Variants in FRMD5 observed in about 807,000 individuals in gnomAD.
The protein encoded by FRMD5 is FERM domain containing 5, also known as FERM domain-containing protein 5.
Under a neutral mutation model 69.0 loss-of-function variants are expected in FRMD5, and 20 were observed. The observed-to-expected ratio is 0.29, with a 90% confidence interval of 0.20 to 0.42. FRMD5 has a LOEUF of 0.42. FRMD5 is among the 10% of genes least tolerant of loss of function. The probability of loss-of-function intolerance (pLI) is 1.00; values close to 1 mark genes in which losing one functional copy is unlikely to be tolerated. For synonymous variants in FRMD5, 271 were observed against 260.1 expected, an observed-to-expected ratio of 1.04 and a Z score of -0.40; for missense variants, 595 against 708.6, an observed-to-expected ratio of 0.84 and a Z score of 1.82.
At chr15:44,111,514 T>A (rs937196058) in intron 1 of FRMD5, among the ~76,000 whole-genome samples, 15 of 152,210 alleles carry the variant, frequency 9.9e-5, no homozygotes, top group African/African-American at 3.4e-4. Context: ...AAGCAACTGC[T>A]AGTATCCTTG....
At chr15:43,924,362 T>C in intron 1 of FRMD5, 53 bp from the exon 2 acceptor site, 1 of 441,110 alleles carries the variant, frequency 2.3e-6, no homozygotes. Context: ...TCAGTGTAAC[T>C]TTTTTTTTTT....
intron 13 of FRMD5, among the ~76,000 whole-genome samples, chr15:43,881,305 T>G (rs2088522652): frequency 6.6e-6 from 1 of 152,272 alleles, no homozygotes; most frequent in African/African-American, 2.4e-5. Flanking sequence ...CCTCAGAGAA[T>G]TTCATTCTAC....
At chr15:43,947,723 T>C (rs1815010353) in intron 1 of FRMD5, among the ~76,000 whole-genome samples, 1 of 152,160 alleles carries the variant, frequency 6.6e-6, no homozygotes, top group Non-Finnish European at 1.5e-5. Context: ...AGACAGAGTG[T>C]GTAGAGGCCT....
chr15:43,958,223 G>A (rs2090144336), intron 1 of FRMD5, among the ~76,000 whole-genome samples: 1 of 152,066 alleles, frequency 6.6e-6, no homozygotes, highest in Non-Finnish European at 1.5e-5. Context: ...TAGTTTCATG[G>A]CTAACACAGT....
chr15:43,980,944 AACT>A (rs1485746551), intron 1 of FRMD5, among the ~76,000 whole-genome samples: 1 of 152,178 alleles, frequency 6.6e-6, no homozygotes, highest in African/African-American at 2.4e-5. Flanking sequence ...TCTAAAACTT[AACT>A]ACTAACAGCT....
intron 1 of FRMD5, chr15:43,989,420 A>G: frequency 1.3e-6 from 1 of 788,362 alleles, no homozygotes; most frequent in Non-Finnish European, 2.3e-6. Flanking sequence ...TCAGGGCAGC[A>G]GAACTGCTTT....
At chr15:43,874,499 C>G in intron 13 of FRMD5, 37 bp from the exon 14 acceptor site, 1 of 1,523,698 alleles carries the variant, frequency 6.6e-7, no homozygotes, top group Non-Finnish European at 9.1e-7. Context: ...GGCTGTGTCC[C>G]AATGCACCCT....
chr15:43,943,854 T>G (rs1370126710), intron 1 of FRMD5, among the ~76,000 whole-genome samples: 3 of 152,236 alleles, frequency 2.0e-5, no homozygotes, highest in Non-Finnish European at 4.4e-5. Flanking sequence ...CAAGCCAGTT[T>G]GTGATTGCTA....
At chr15:44,108,729 C>A (rs940579135) in intron 1 of FRMD5, among the ~76,000 whole-genome samples, 1 of 151,864 alleles carries the variant, frequency 6.6e-6, no homozygotes, top group Non-Finnish European at 1.5e-5. Flanking sequence ...TGGGTGGTGG[C>A]CAAGACAGGA....
chr15:44,009,065 C>G (rs955981580), intron 1 of FRMD5, among the ~76,000 whole-genome samples: 1 of 152,128 alleles, frequency 6.6e-6, no homozygotes, highest in Admixed American at 6.5e-5. Context: ...AGCTTCCCGA[C>G]GACAGGAACC....
intron 1 of FRMD5, among the ~76,000 whole-genome samples, chr15:44,007,637 A>ATTTTTTTTTTTT (rs35512441): frequency 6.2e-5 from 5 of 81,146 alleles, no homozygotes; most frequent in East Asian, 4.0e-4. Flanking sequence ...TAATTAACTA[A>ATTTTTTTTTTTT]TTTTTTTTTT....
intron 1 of FRMD5, among the ~76,000 whole-genome samples, chr15:44,097,659 T>C (rs1192805709): frequency 6.6e-6 from 1 of 152,140 alleles, no homozygotes; most frequent in Admixed American, 6.5e-5. Context: ...GTCTTGGAGA[T>C]TCAGACTAGT....
chr15:44,128,251 G>T (rs1484486767), intron 1 of FRMD5, among the ~76,000 whole-genome samples: 1 of 152,088 alleles, frequency 6.6e-6, no homozygotes, highest in Admixed American at 6.5e-5. Flanking sequence ...AGGCCGAGGC[G>T]GGTGGATCAC....
intron 1 of FRMD5, among the ~76,000 whole-genome samples, chr15:44,029,569 A>G (rs1257142946): frequency 6.6e-6 from 1 of 152,246 alleles, no homozygotes; most frequent in Non-Finnish European, 1.5e-5. Flanking sequence ...AAAATATGGT[A>G]ACTAAAATAC....
chr15:44,160,387 T>G (rs2077597164), intron 1 of FRMD5, among the ~76,000 whole-genome samples: 1 of 152,120 alleles, frequency 6.6e-6, no homozygotes, highest in African/African-American at 2.4e-5. Context: ...TGGGAAAGTT[T>G]TGCAGGATAG....
intron 7 of FRMD5, 26 bp from the exon 8 acceptor site, chr15:43,892,095 G>A (rs777656099): frequency 3.8e-5 from 61 of 1,597,174 alleles, no homozygotes; most frequent in Middle Eastern, 3.3e-4. Context: ...ACTTCTCATC[G>A]GGTGATGCAG....
chr15:44,089,228 T>G lies in FRMD5; in HGVS notation c.102+105725A>C, dbSNP rs567485768. Among the ~76,000 whole-genome samples, 3 of 152,306 alleles carry G rather than the reference T, an allele frequency of 2.0e-5. No individual in the cohort carries two copies. In the South Asian group the frequency reaches 6.2e-4, roughly 32 times the overall value. On this transcript the variant is annotated intron_variant, in intron 1 of 13. Transcript: ENST00000417257. ...TTCCCACTCTACAGCATGAATGTAC[T>G]TTATAACCTCAGACATGCTTTTAAA... is the stretch of plus-strand genomic sequence containing the variant.
At chr15:43,927,074 C>T (rs185897682) in intron 1 of FRMD5, among the ~76,000 whole-genome samples, 106 of 152,130 alleles carry the variant, frequency 7.0e-4, no homozygotes, top group African/African-American at 2.5e-3. Flanking sequence ...AAACCCCAAA[C>T]CCCACTGAAT....
Position 43,902,392 on chromosome 15 carries a change from G to C in FRMD5, c.552-130C>G, listed in dbSNP as rs557784548. On this transcript the variant is annotated intron_variant, in intron 6 of 13. Coordinates refer to ENST00000417257, the MANE Select transcript of FRMD5 (RefSeq NM_032892.5). ...TTTGTCTAGGGTGTGCTCCCTGCTT[G>C]GTTCTAGGACCAACTTCGAGACTCC... 5 of 765,296 alleles carry C rather than the reference G, an allele frequency of 6.5e-6. No individual in the cohort carries two copies. In the African/African-American group the frequency reaches 6.8e-5, roughly 10 times the overall value. 47.4% of individuals were successfully genotyped at this position (765,296 alleles called of 1,614,324 possible).
Sources: gnomAD v4.1 joint callset for allele counts (sites outside exome capture counted in the v4.1 genomes callset) on GRCh38, gnomAD v4.1.1 for gene constraint, MANE v1.5 for transcripts, NCBI Gene and HGNC (gene_info 2026-07-23, HGNC 2026-07-21) for gene names.